LRRIQ3: variants seen among roughly 807,000 people sequenced by gnomAD.
LRRIQ3 encodes the protein leucine-rich repeat and IQ domain-containing protein 3.
Under a neutral mutation model 59.3 loss-of-function variants are expected in LRRIQ3, and 75 were observed. That is an observed-to-expected ratio of 1.26 (90% confidence interval 1.05 to 1.53). The LOEUF (loss-of-function observed/expected upper bound fraction) is 1.53. Ranked by LOEUF, LRRIQ3 falls within the 40% of genes most tolerant of loss-of-function variation. The probability of loss-of-function intolerance (pLI) is 0.00; values close to 1 mark genes in which losing one functional copy is unlikely to be tolerated. For synonymous variants in LRRIQ3, 250 were observed against 231.3 expected, an observed-to-expected ratio of 1.08 and a Z score of -0.73; for missense variants, 831 against 710.0, an observed-to-expected ratio of 1.17 and a Z score of -1.94.
intron 6 of LRRIQ3, among the ~76,000 whole-genome samples, chr1:74,045,032 AC>A (rs1249888318): frequency 6.6e-6 from 1 of 152,212 alleles, no homozygotes; most frequent in African/African-American, 2.4e-5. Context: ...TACTAGAGGT[AC>A]TAAGAGGAGC....
intron 4 of LRRIQ3, among the ~76,000 whole-genome samples, chr1:74,147,706 T>A (rs536022811): frequency 7.2e-4 from 110 of 152,232 alleles, no homozygotes; most frequent in Middle Eastern, 3.2e-3. Flanking sequence ...TCTCTTGCTG[T>A]CTCTATCATT....
intron 3 of LRRIQ3, among the ~76,000 whole-genome samples, chr1:74,166,261 T>C (rs1410803993): frequency 6.6e-6 from 1 of 151,658 alleles, no homozygotes; most frequent in Non-Finnish European, 1.5e-5. Flanking sequence ...AAATTATCTA[T>C]TTCATGGTGG....
rs1646658735 is a variant in LRRIQ3, at chr1:74,109,393, CAT to C, written c.866_867del (p.His289GlnfsTer7). 1.3e-6 allele frequency: 2 copies of C among 1,494,830 alleles called. No individual in the cohort carries two copies. Among genetic ancestry groups the C allele is most frequent in the African/African-American group, 1.4e-5 (1 of 71,002 alleles). 92.6% of individuals were successfully genotyped at this position (1,494,830 alleles called of 1,614,324 possible). A position where few individuals can be genotyped will look rare whatever the true frequency, so the allele number is the denominator to read the frequency against. The part of the protein sequence containing the change: ...NIKGKLAYWK[H>X]NIYYPVDLKN... ...AAAAATAATAAACTAATTATACTTA[CAT>C]GTTTCCAATATGCAAGCTTTCCTTT... On this transcript the variant is annotated frameshift_variant and splice_region_variant, in exon 5 of 8. Coordinates refer to ENST00000354431, the MANE Select transcript of LRRIQ3 (RefSeq NM_001105659.2). LOFTEE classifies it high-confidence loss of function.
rs182998212 is a variant in LRRIQ3 at position 74,125,248 on chromosome 1, T to A, written c.708-15695A>T. ...CTGAATTTATTCATCTGTTCTCAAT[T>A]TTTTTGGTGGGATTTTTGGGTGTTT... On this transcript the variant is annotated intron_variant, in intron 4 of 7. Coordinates refer to ENST00000354431, the MANE Select transcript of LRRIQ3 (RefSeq NM_001105659.2). 2.3e-3 allele frequency among the ~76,000 whole-genome samples: 355 copies of A among 151,914 alleles called. 1 individual carries two copies. Among genetic ancestry groups the A allele is most frequent in the South Asian group, 0.018 (88 of 4,818 alleles).
At chr1:74,043,295 T>C (rs1654102348) in intron 6 of LRRIQ3, among the ~76,000 whole-genome samples, 1 of 152,116 alleles carries the variant, frequency 6.6e-6, no homozygotes, top group Non-Finnish European at 1.5e-5. Context: ...CTTAGAAAAT[T>C]ACCTTGTCTT....
intron 3 of LRRIQ3, among the ~76,000 whole-genome samples, chr1:74,169,953 A>AT (rs1202084569): frequency 6.6e-6 from 1 of 151,964 alleles, no homozygotes; most frequent in African/African-American, 2.4e-5. Context: ...TTATGTATTC[A>AT]TTTTTATGTA....
intron 3 of LRRIQ3, among the ~76,000 whole-genome samples, chr1:74,158,447 C>T (rs903805243): frequency 6.6e-6 from 1 of 152,138 alleles, no homozygotes; most frequent in Non-Finnish European, 1.5e-5. Context: ...GATAATCAAA[C>T]TTAAATGCTT....
chr1:74,152,898 C>CA (rs1648078693), intron 4 of LRRIQ3, among the ~76,000 whole-genome samples: 1 of 152,106 alleles, frequency 6.6e-6, no homozygotes, highest in Admixed American at 6.5e-5. Context: ...ATGACCAACA[C>CA]AAAATGGCTT....
chr1:74,182,719 T>G lies in LRRIQ3; in HGVS notation c.392A>C (p.Asp131Ala). The change falls in exon 3 of 8, where the codon GAT becomes GCT. Residue 131 changes from aspartate (D) to alanine (A), a missense_variant. Physicochemically the swap from Asp to Ala is moderately radical, Grantham distance 126. Transcript: ENST00000354431. Reference sequence around the variant, plus strand: ...TCCTTTTTTAAGGCTTACTGGACAATCAAACATAGTGAGGGCAATGAGGGT... The same window carrying G: ...TCCTTTTTTAAGGCTTACTGGACAAGCAAACATAGTGAGGGCAATGAGGGT... ...CPTLIALTMF[D>A]CPVSLKKGYR... is the part of the protein sequence containing the mutation. 1 of 1,612,782 alleles carries G rather than the reference T, an allele frequency of 6.2e-7. No homozygotes were observed. Among genetic ancestry groups the G allele is most frequent in the Non-Finnish European group, 8.5e-7 (1 of 1,179,046 alleles).
intron 7 of LRRIQ3, among the ~76,000 whole-genome samples, chr1:74,031,460 T>G (rs941222827): frequency 3.3e-5 from 5 of 151,880 alleles, no homozygotes; most frequent in African/African-American, 1.2e-4. Flanking sequence ...ATGTCCTTTG[T>G]AGGGACATGG....
At chr1:74,125,708 G>C (rs1296290951) in intron 4 of LRRIQ3, among the ~76,000 whole-genome samples, 2 of 151,834 alleles carry the variant, frequency 1.3e-5, no homozygotes, top group Non-Finnish European at 2.9e-5. Flanking sequence ...AATTCCACTT[G>C]GTGGTGATGA....
chr1:74,128,605 A>G (rs1238268284), intron 4 of LRRIQ3, among the ~76,000 whole-genome samples: 3 of 152,016 alleles, frequency 2.0e-5, no homozygotes, highest in Non-Finnish European at 4.4e-5. Context: ...CTGGTTCATT[A>G]TTTAGGTTGT....
chr1:74,125,131 TTAA>T (rs1264951039), intron 4 of LRRIQ3, among the ~76,000 whole-genome samples: 1 of 151,912 alleles, frequency 6.6e-6, no homozygotes. Context: ...GTTAATGGGA[TTAA>T]TTTCTTGATT....
At chr1:74,085,466 A>G (rs1646318101) in intron 5 of LRRIQ3, among the ~76,000 whole-genome samples, 1 of 151,904 alleles carries the variant, frequency 6.6e-6, no homozygotes. Context: ...CCTGAATAAC[A>G]TCAGAGAGAG....
chr1:74,138,591 A>G (rs1173812685), intron 4 of LRRIQ3: 1 of 556,404 alleles, frequency 1.8e-6, no homozygotes. Context: ...TTAAACAAAA[A>G]TCCTCTCTTA....
intron 3 of LRRIQ3, among the ~76,000 whole-genome samples, chr1:74,159,160 C>A (rs1648517198): frequency 6.6e-6 from 1 of 152,230 alleles, no homozygotes; most frequent in African/African-American, 2.4e-5. Flanking sequence ...ATCTTATGGT[C>A]AGAACATTCT....
chr1:74,061,062 T>G (rs993258665), intron 6 of LRRIQ3, among the ~76,000 whole-genome samples: 2 of 152,098 alleles, frequency 1.3e-5, no homozygotes, highest in African/African-American at 4.8e-5. Flanking sequence ...CAGGACTTGA[T>G]CTGATATATG....
At chr1:74,111,478 AGATGGAAAGTCATT>A (rs1384906319) in intron 4 of LRRIQ3, among the ~76,000 whole-genome samples, 1 of 152,062 alleles carries the variant, frequency 6.6e-6, no homozygotes, top group Non-Finnish European at 1.5e-5. Context: ...AAGGTCACTG[AGATGGAAAGTCATT>A]GCAGAGCTTT....
At chr1:74,029,458 T>C (rs1034937528) in intron 7 of LRRIQ3, among the ~76,000 whole-genome samples, 7 of 152,126 alleles carry the variant, frequency 4.6e-5, no homozygotes, top group Non-Finnish European at 8.8e-5. Flanking sequence ...GAGATAATCA[T>C]GTGGTTTTTG....
Sources: allele counts gnomAD v4.1 joint callset (sites outside exome capture counted in the v4.1 genomes callset), GRCh38; gene constraint gnomAD v4.1.1; transcripts MANE v1.5; gene names NCBI Gene and HGNC (gene_info 2026-07-23, HGNC 2026-07-21).